The following EMC2 variants were observed in gnomAD, a reference collection of about 807,000 sequenced individuals.
The protein encoded by EMC2 is ER membrane protein complex subunit 2, also known as TPR repeat protein 35.
EMC2 carries 37 observed loss-of-function variants against 51.6 expected under a neutral mutation model. The observed-to-expected ratio is 0.72, with a 90% CI of 0.55 to 0.94. The LOEUF (loss-of-function observed/expected upper bound fraction) is 0.94. Among genes scored for constraint, EMC2 ranks in the 40% least tolerant of loss-of-function variants. The pLI, the probability that EMC2 is intolerant of heterozygous loss-of-function variation, is 0.00. For synonymous variants in EMC2, 131 were observed against 112.4 expected, an observed-to-expected ratio of 1.17 and a Z score of -1.04; for missense variants, 359 against 350.9, an observed-to-expected ratio of 1.02 and a Z score of -0.18.
chr8:108,476,803 C>A lies in EMC2; in HGVS notation c.613C>A (p.Leu205Ile). ...YAEVKYTQGGLENLELSRKYF... is the reference protein window; with the variant it reads ...YAEVKYTQGGIENLELSRKYF... The stretch of plus-strand genomic sequence containing the variant: ...ACAGGTTAAGTATACCCAAGGTGGA[C>A]TTGAAAACCTCGAACTTTCAAGAAA... The change falls in exon 9 of 11, where the codon CTT (leucine) becomes ATT (isoleucine). Residue 205 changes from leucine (L) to isoleucine (I), a missense_variant. By Grantham distance (5) the Leu-to-Ile change is conservative. Transcript: ENST00000220853. 3 of 1,592,812 alleles carry A rather than the reference C, an allele frequency of 1.9e-6. No homozygotes were observed. Among genetic ancestry groups the A allele is most frequent in the Non-Finnish European group, 2.6e-6 (3 of 1,161,546 alleles).
chr8:108,444,637 A>G (rs1818834329), intron 1 of EMC2, among the ~76,000 whole-genome samples: 2 of 152,238 alleles, frequency 1.3e-5, no homozygotes, highest in Non-Finnish European at 2.9e-5. Context: ...TTTATCGTGA[A>G]TAAATATATC....
chr8:108,463,156 T>G (rs1819371601), intron 5 of EMC2, among the ~76,000 whole-genome samples: 1 of 152,212 alleles, frequency 6.6e-6, no homozygotes, highest in African/African-American at 2.4e-5. Context: ...TAATTTTTAT[T>G]CTTAGAGAAT....
At chr8:108,469,553 G>A (rs988883129) in intron 5 of EMC2, among the ~76,000 whole-genome samples, 2 of 152,074 alleles carry the variant, frequency 1.3e-5, no homozygotes, top group African/African-American at 4.8e-5. Flanking sequence ...ATTCCCTGCT[G>A]GTTAATAATT....
In EMC2 at chr8:108,457,321, CGTGTGTGTGCGTGTGTGTGTGTGT is replaced by C. The variant is rs1249440925; in HGVS notation, c.363+1401_363+1424del. Among the ~76,000 whole-genome samples, 97 of 109,986 alleles carry C rather than the reference CGTGTGTGTGCGTGTGTGTGTGTGT, an allele frequency of 8.8e-4. 1 individual carries two copies. Among genetic ancestry groups the C allele is most frequent in the South Asian group, 8.3e-3 (23 of 2,764 alleles). The allele number at this position is 109,986 out of a possible 152,430, so 72.2% of individuals were successfully genotyped here. A position where few individuals can be genotyped will look rare whatever the true frequency, so the allele number is the denominator to read the frequency against. ...GTGTGGGGGTTTGTGTAGGGATGTGCGTGTGTGTGCGTGTGTGTGTGTGTGTGTGTGTGTGTGTGTGTGTGTGTG... is the reference window on the plus strand; with the variant it reads ...GTGTGGGGGTTTGTGTAGGGATGTGCGTGTGTGTGTGTGTGTGTGTGTGTG... On this transcript the variant is annotated intron_variant, in intron 5 of 10. Transcript: ENST00000220853.
intron 5 of EMC2, among the ~76,000 whole-genome samples, chr8:108,469,542 G>T (rs1810808958): frequency 6.6e-6 from 1 of 152,112 alleles, no homozygotes; most frequent in Non-Finnish European, 1.5e-5. Context: ...TAAAGATTAA[G>T]ATTCCCTGCT....
chr8:108,462,922 G>A (rs565324272), intron 5 of EMC2, among the ~76,000 whole-genome samples: 1 of 152,176 alleles, frequency 6.6e-6, no homozygotes, highest in South Asian at 2.1e-4. Flanking sequence ...ACAGCCATTT[G>A]TATTTTTCTT....
rs1484540046 is a variant in EMC2 at position 108,486,566 on chromosome 8, A to G, written c.862A>G (p.Met288Val). 7.5e-6 allele frequency: 12 copies of G among 1,607,392 alleles called. No individual in the cohort carries two copies. Among genetic ancestry groups the G allele is most frequent in the Non-Finnish European group, 6.8e-6 (8 of 1,177,250 alleles). Residue 288 changes from methionine (M) to valine (V), a missense_variant, in exon 11 of 11, where the codon ATG becomes GTG. Met to Val is a conservative substitution (Grantham distance 21). Coordinates refer to ENST00000220853, the MANE Select transcript of EMC2 (RefSeq NM_014673.5). Reference sequence around the variant, plus strand: ...ATATTCTCTTAAGGCTGTCGAAGACATGTTGGAAACATTGCAGATCACCCA... The same window carrying G: ...ATATTCTCTTAAGGCTGTCGAAGACGTGTTGGAAACATTGCAGATCACCCA... ...TKYSLKAVED[M>V]LETLQITQS
chr8:108,481,703 T>A (rs1563703102), intron 10 of EMC2, among the ~76,000 whole-genome samples: 1 of 152,138 alleles, frequency 6.6e-6, no homozygotes, highest in Non-Finnish European at 1.5e-5. Flanking sequence ...ATATAAACAT[T>A]GCAGCATCCC....
intron 8 of EMC2, 104 bp from the exon 9 acceptor site, chr8:108,476,678 G>A: frequency 1.7e-6 from 1 of 574,050 alleles, no homozygotes; most frequent in South Asian, 2.3e-5. Context: ...TTTGTTTACA[G>A]AGAATATCTG....
chr8:108,453,102 A>C lies in EMC2; in HGVS notation c.260A>C (p.His87Pro). The change falls in exon 4 of 11, where the codon CAC (histidine) becomes CCC (proline). Residue 87 changes from histidine (H) to proline (P), a missense_variant. Transcript: ENST00000220853. ...CTGAGAAGACAGTTCCCTGGCAGTC[A>C]CAGAGTCAAGCGATTAACAGGCATG... ...QELRRQFPGS[H>P]RVKRLTGMRF... 1.2e-6 allele frequency: 2 copies of C among 1,608,118 alleles called. No homozygotes were observed. The highest frequency in any genetic ancestry group is 1.7e-6 in the Non-Finnish European group (2 of 1,177,122).
At chr8:108,479,139 T>A in intron 10 of EMC2, 29 bp downstream of exon 10, 1 of 1,291,694 alleles carries the variant, frequency 7.7e-7, no homozygotes, top group Non-Finnish European at 1.1e-6. Context: ...TTTTGCTATG[T>A]AGGTCAGTTA....
chr8:108,455,441 A>G (rs1819127124), intron 4 of EMC2, among the ~76,000 whole-genome samples: 1 of 151,910 alleles, frequency 6.6e-6, no homozygotes, highest in Non-Finnish European at 1.5e-5. Context: ...TACATTACCC[A>G]TCTGTTTTTG....
rs763020311 is a variant in EMC2, at chr8:108,459,721, A to AGAGAGTGT, written c.363+3792_363+3793insAGAGTGTG. Among the ~76,000 whole-genome samples, 888 of 136,940 alleles carry AGAGAGTGT rather than the reference A, an allele frequency of 6.5e-3. 3 individuals carry two copies. Among genetic ancestry groups the AGAGAGTGT allele is most frequent in the Non-Finnish European group, 8.1e-3 (530 of 65,088 alleles). The allele number at this position is 136,940 out of a possible 152,430, so 89.8% of individuals were successfully genotyped here. A position where few individuals can be genotyped will look rare whatever the true frequency, so the allele number is the denominator to read the frequency against. On this transcript the variant is annotated intron_variant, in intron 5 of 10. Transcript: ENST00000220853. ...AGCCATGTGAGAGAGAGAGAGAGAG[A>AGAGAGTGT]GTGTGTGTGTGTGTGTGTGTGTGTG...
At chr8:108,481,780 C>G (rs1383581393) in intron 10 of EMC2, among the ~76,000 whole-genome samples, 1 of 152,084 alleles carries the variant, frequency 6.6e-6, no homozygotes, top group Admixed American at 6.6e-5. Flanking sequence ...ACTTATAACC[C>G]TATAGTTTAT....
intron 1 of EMC2, among the ~76,000 whole-genome samples, chr8:108,443,966 G>T (rs935948799): frequency 3.3e-5 from 5 of 152,168 alleles, no homozygotes; most frequent in African/African-American, 1.2e-4. Context: ...TATTTATGAG[G>T]CGGGCGGGAG....
intron 10 of EMC2, among the ~76,000 whole-genome samples, chr8:108,479,330 A>G (rs1293368948): frequency 1.3e-5 from 2 of 152,156 alleles, no homozygotes; most frequent in Admixed American, 1.3e-4. Flanking sequence ...TAGCCTTACC[A>G]TATGGAAATC....
At chr8:108,460,061 C>A (rs1819278902) in intron 5 of EMC2, among the ~76,000 whole-genome samples, 1 of 152,070 alleles carries the variant, frequency 6.6e-6, no homozygotes, top group African/African-American at 2.4e-5. Context: ...ATTTATAAGA[C>A]TTCACTGTGG....
chr8:108,449,422 G>A (rs1178295481), intron 1 of EMC2, among the ~76,000 whole-genome samples: 1 of 152,120 alleles, frequency 6.6e-6, no homozygotes, highest in Admixed American at 6.5e-5. Context: ...ACAGGTGTGT[G>A]CCACCATAGT....
intron 3 of EMC2, among the ~76,000 whole-genome samples, chr8:108,451,100 G>A (rs575011744): frequency 6.6e-6 from 1 of 152,208 alleles, no homozygotes; most frequent in South Asian, 2.1e-4. Flanking sequence ...CTACTCTGGG[G>A]GCTGAGGCAG....
Sources: allele counts gnomAD v4.1 joint callset (sites outside exome capture counted in the v4.1 genomes callset), GRCh38; gene constraint gnomAD v4.1.1; transcripts MANE v1.5; gene names NCBI Gene and HGNC (gene_info 2026-07-23, HGNC 2026-07-21).